Variants in ABLIM2 observed in about 807,000 individuals in gnomAD.
ABLIM2 encodes the protein actin-binding LIM protein 2.
In ABLIM2, 53 loss-of-function variants were observed where a neutral mutation model predicts 97.7. The ratio of observed to expected loss-of-function variants is 0.54; its 90% CI spans 0.44 to 0.68. The LOEUF (loss-of-function observed/expected upper bound fraction) is 0.68, where lower values mean the gene tolerates loss of function less well. Ranked by LOEUF, ABLIM2 falls within the 30% of genes least tolerant of loss-of-function variation. The pLI is 0.00. For missense variants in ABLIM2, 835 were observed against 867.2 expected (o/e 0.96, Z 0.47); for synonymous variants, 361 against 345.8 (o/e 1.04, Z -0.49).
chr4:8,146,647 C>T (rs1851839664), intron 1 of ABLIM2, among the ~76,000 whole-genome samples: 1 of 152,190 alleles, frequency 6.6e-6, no homozygotes, highest in African/African-American at 2.4e-5. Context: ...TCAAGCGATC[C>T]TCCTGCCTCA....
At chr4:7,983,868 T>C (rs554541499) in intron 18 of ABLIM2, among the ~76,000 whole-genome samples, 8 of 152,330 alleles carry the variant, frequency 5.3e-5, no homozygotes, top group African/African-American at 1.9e-4. Flanking sequence ...CTGAGAAAGA[T>C]GCCAGCCTCA....
At chr4:7,973,075 C>CTGTGTGTGTGTG (rs71175444) in intron 20 of ABLIM2, among the ~76,000 whole-genome samples, 9,073 of 123,908 alleles carry the variant, frequency 0.073, 593 homozygotes, top group Non-Finnish European at 0.098. Context: ...GCTCCCCTTG[C>CTGTGTGTGTGTG]TGTGTGTGTG....
rs920672698 is a variant in ABLIM2, at chr4:8,019,208, C to A, written c.1423+410G>T. Among the ~76,000 whole-genome samples the A allele has an allele frequency of 5.3e-5, 8 of 152,214 alleles. No individual in the cohort carries two copies. Among genetic ancestry groups the A allele is most frequent in the Non-Finnish European group, 1.2e-4 (8 of 68,042 alleles). ...TAAAGTCTCCCTGAGGAATAAACGACCGATTCAAGTTTGTTCTATATTCCA... is the reference window on the plus strand; with the variant it reads ...TAAAGTCTCCCTGAGGAATAAACGAACGATTCAAGTTTGTTCTATATTCCA... On this transcript the variant is annotated intron_variant, in intron 14 of 20. Transcript: ENST00000447017. The surrounding 1 kb of genome is among the most constrained non-coding windows in gnomAD (Gnocchi z 4.3).
At position 8,096,829 on chromosome 4, in the gene ABLIM2, C is replaced by T. The variant is rs371090771; in HGVS notation, c.338+270G>A. ...GTTGCCGGGATGAGGACCCAGTCTC[C>T]GCAGCCAGCACTTGCTGCATGCTTG... On this transcript the variant is annotated intron_variant, in intron 3 of 20. Transcript: ENST00000447017. Among the ~76,000 whole-genome samples, 15 of 152,272 alleles carry T rather than the reference C, an allele frequency of 9.9e-5. 1 individual carries two copies. Among genetic ancestry groups the T allele is most frequent in the African/African-American group, 2.9e-4 (12 of 41,560 alleles).
chr4:8,079,639 C>T (rs920976528), intron 5 of ABLIM2, among the ~76,000 whole-genome samples: 11 of 152,256 alleles, frequency 7.2e-5, no homozygotes, highest in Admixed American at 5.2e-4. Flanking sequence ...CGCCTAGTTT[C>T]CCCCAGTGGT....
Position 8,020,237 on chromosome 4 carries a change from G to A in ABLIM2, c.1334C>T (p.Thr445Ile). The A allele has an allele frequency of 1.2e-6, 2 of 1,613,956 alleles. No individual in the cohort carries two copies. The highest frequency in any genetic ancestry group is 1.7e-6 in the Non-Finnish European group (2 of 1,179,870). The change falls in exon 13 of 21, where the codon ACC (threonine) becomes ATC (isoleucine). Residue 445 changes from threonine to isoleucine, a missense_variant. By Grantham distance (89) the Thr-to-Ile change is moderately conservative. Transcript: ENST00000447017. The part of the protein sequence containing the change: ...VLSDSKPPPS[T>I]YQQAPRHFHV... ...GAAGTGGCGAGGTGCCTGCTGGTAG[G>A]TGGAGGGGGGCGGCTTGCTGTCAGA...
rs550662396 is a variant in ABLIM2, at chr4:8,031,255, C to T, written c.1048-1479G>A. ...CTGAGCAAGTGTGCATGATTTTGTG[C>T]CCCACTCTGGGGTACAGCCTGAGAC... On this transcript the variant is annotated intron_variant, in intron 10 of 20. Coordinates refer to ENST00000447017, the MANE Select transcript of ABLIM2 (RefSeq NM_001130083.2). Among the ~76,000 whole-genome samples the T allele has an allele frequency of 3.9e-5, 6 of 152,322 alleles. No homozygotes were observed. In the South Asian group the frequency reaches 1.0e-3, roughly 26 times the overall value.
chr4:7,985,979 G>A (rs2149759285), intron 17 of ABLIM2, among the ~76,000 whole-genome samples: 1 of 152,350 alleles, frequency 6.6e-6, no homozygotes, highest in African/African-American at 2.4e-5. Flanking sequence ...GGGGCCCGGG[G>A]TTCGCACTAT....
intron 9 of ABLIM2, among the ~76,000 whole-genome samples, chr4:8,040,035 G>T (rs550572053): frequency 6.6e-6 from 1 of 152,174 alleles, no homozygotes; most frequent in Admixed American, 6.5e-5. Flanking sequence ...GTCCCTGCCC[G>T]CCAAGCCCTC....
intron 17 of ABLIM2, among the ~76,000 whole-genome samples, chr4:7,991,045 C>G (rs114277196): frequency 0.043 from 6,606 of 152,292 alleles, 289 homozygotes; most frequent in African/African-American, 0.11. Context: ...ACCCCTTAGT[C>G]TGCAGGAGAA....
At chr4:8,055,051 T>TC (rs921016202) in intron 7 of ABLIM2, among the ~76,000 whole-genome samples, 4 of 151,574 alleles carry the variant, frequency 2.6e-5, no homozygotes, top group African/African-American at 9.7e-5. Flanking sequence ...TGTTTTTGTT[T>TC]TTTTTTTTTC....
At chr4:7,997,478 T>C (rs1754077846) in intron 16 of ABLIM2, among the ~76,000 whole-genome samples, 1 of 152,254 alleles carries the variant, frequency 6.6e-6, no homozygotes, top group Admixed American at 6.5e-5. Flanking sequence ...CTGTTAATTT[T>C]TCCCCCTATT....
chr4:7,973,308 C>T (rs1016730685), intron 20 of ABLIM2, among the ~76,000 whole-genome samples: 13 of 151,350 alleles, frequency 8.6e-5, no homozygotes, highest in African/African-American at 2.9e-4. Context: ...CGTGACCAGC[C>T]TGGCCAACAT....
rs1281754154 is a variant in ABLIM2, at chr4:8,068,934, G to A, written c.676-7880C>T. ...AGCTGTGAGCAGGGGATCCCCCTGGGGGTGTTTGGCGGCCAGGACAGAATC... is the reference window on the plus strand; with the variant it reads ...AGCTGTGAGCAGGGGATCCCCCTGGAGGTGTTTGGCGGCCAGGACAGAATC... On this transcript the variant is annotated intron_variant, in intron 6 of 20. Coordinates refer to ENST00000447017, the MANE Select transcript of ABLIM2 (RefSeq NM_001130083.2). This position sits in a 1 kb window ranked among gnomAD's most constrained non-coding sequence, Gnocchi z 4.5. Among the ~76,000 whole-genome samples, 2 of 152,256 alleles carry A rather than the reference G, an allele frequency of 1.3e-5. No homozygotes were observed. Among genetic ancestry groups the A allele is most frequent in the African/African-American group, 4.8e-5 (2 of 41,466 alleles).
intron 1 of ABLIM2, among the ~76,000 whole-genome samples, chr4:8,154,555 C>T (rs560970840): frequency 6.6e-6 from 1 of 152,338 alleles, no homozygotes; most frequent in East Asian, 1.9e-4. Context: ...GCTGGGATTA[C>T]AGGCGTAAGC....
Position 8,148,253 on chromosome 4 carries a change from T to A in ABLIM2, c.10+10427A>T, listed in dbSNP as rs1443140087. 6.6e-6 allele frequency among the ~76,000 whole-genome samples: 1 copy of A among 152,016 alleles called. No homozygotes were observed. Among genetic ancestry groups the A allele is most frequent in the African/African-American group, 2.4e-5 (1 of 41,402 alleles). ...GCCAGGCAGGTTCTGAAGGGCCCAGTGTGTCTGGAGGGGAGAGGATGAGCT... is the reference window on the plus strand; with the variant it reads ...GCCAGGCAGGTTCTGAAGGGCCCAGAGTGTCTGGAGGGGAGAGGATGAGCT... On this transcript the variant is annotated intron_variant, in intron 1 of 20. Coordinates refer to ENST00000447017, the MANE Select transcript of ABLIM2 (RefSeq NM_001130083.2). This position sits in a 1 kb window ranked among gnomAD's most constrained non-coding sequence, Gnocchi z 6.7.
At chr4:8,107,094 C>T (rs1837835647) in intron 1 of ABLIM2, among the ~76,000 whole-genome samples, 1 of 152,274 alleles carries the variant, frequency 6.6e-6, no homozygotes, top group South Asian at 2.1e-4. Flanking sequence ...CTCTCTTCTG[C>T]CAGTACAGCA....
rs975310594 is a variant in ABLIM2, at chr4:8,058,901, C to T, written c.763+2066G>A. Among the ~76,000 whole-genome samples, 8 of 152,148 alleles carry T rather than the reference C, an allele frequency of 5.3e-5. No individual in the cohort carries two copies. Among genetic ancestry groups the T allele is most frequent in the Admixed American group, 2.0e-4 (3 of 15,280 alleles). On this transcript the variant is annotated intron_variant, in intron 7 of 20. Coordinates refer to ENST00000447017, the MANE Select transcript of ABLIM2 (RefSeq NM_001130083.2). The surrounding 1 kb of genome is among the most constrained non-coding windows in gnomAD (Gnocchi z 4.2). ...GACGACTCAGTCCTTAGCCTGTCTT[C>T]GGCAACCATCTTGTGGGGTCAGTTC...
chr4:8,093,228 A>G (rs1829808076), intron 3 of ABLIM2, among the ~76,000 whole-genome samples: 1 of 152,180 alleles, frequency 6.6e-6, no homozygotes, highest in African/African-American at 2.4e-5. Flanking sequence ...AATAATCAAT[A>G]TTTTGTAGAG....
Sources: allele counts gnomAD v4.1 joint callset (sites outside exome capture counted in the v4.1 genomes callset), GRCh38; gene constraint gnomAD v4.1.1; non-coding constraint Gnocchi (gnomAD v3.1); transcripts MANE v1.5; gene names NCBI Gene and HGNC (gene_info 2026-07-23, HGNC 2026-07-21).